The following ADGRA3 variants were observed in gnomAD, a reference collection of about 807,000 sequenced individuals.
ADGRA3 encodes adhesion G protein-coupled receptor A3, also known as G-protein coupled receptor 125.
ADGRA3 carries 56 observed loss-of-function variants against 119.8 expected under a neutral mutation model. That is an observed-to-expected ratio of 0.47 (90% CI 0.38 to 0.58). ADGRA3 has a LOEUF of 0.58. ADGRA3 is among the 20% of genes least tolerant of loss of function. ADGRA3 has a pLI of 0.00. For missense variants in ADGRA3, 1,516 were observed against 1,649.0 expected (o/e 0.92, Z 1.40); for synonymous variants, 607 against 623.8 (o/e 0.97, Z 0.40).
chr4:22,476,329 G>C (rs1718042950), intron 1 of ADGRA3, among the ~76,000 whole-genome samples: 1 of 152,012 alleles, frequency 6.6e-6, no homozygotes, highest in Non-Finnish European at 1.5e-5. Context: ...ACTGACAAAA[G>C]GTATTTCCAG....
At chr4:22,453,814 T>G (rs955474903) in intron 4 of ADGRA3, among the ~76,000 whole-genome samples, 1 of 152,184 alleles carries the variant, frequency 6.6e-6, no homozygotes, top group Admixed American at 6.5e-5. Context: ...TAATCAGCCT[T>G]ATGTCTAATT....
intron 14 of ADGRA3, among the ~76,000 whole-genome samples, chr4:22,405,796 G>A (rs948782257): frequency 5.3e-5 from 8 of 152,168 alleles, no homozygotes; most frequent in East Asian, 3.9e-4. Flanking sequence ...ATTTTGATCC[G>A]TACATATAAC....
At chr4:22,474,231 G>C (rs988047953) in intron 1 of ADGRA3, among the ~76,000 whole-genome samples, 2 of 152,138 alleles carry the variant, frequency 1.3e-5, no homozygotes, top group Admixed American at 1.3e-4. Context: ...CATAACCTAT[G>C]ATCTTGTAAA....
intron 14 of ADGRA3, among the ~76,000 whole-genome samples, chr4:22,407,709 A>C (rs1171887864): frequency 6.6e-6 from 1 of 152,230 alleles, no homozygotes; most frequent in African/African-American, 2.4e-5. Context: ...ATGTGTGTTA[A>C]AAAATCACAA....
chr4:22,509,988 C>A (rs1396638695), intron 1 of ADGRA3, among the ~76,000 whole-genome samples: 7 of 125,482 alleles, frequency 5.6e-5, no homozygotes, highest in African/African-American at 2.2e-4. Context: ...CCAGCCTGGG[C>A]GACAGAGCGA....
intron 1 of ADGRA3, among the ~76,000 whole-genome samples, chr4:22,503,190 A>G (rs1371416032): frequency 6.6e-6 from 1 of 152,206 alleles, no homozygotes; most frequent in Non-Finnish European, 1.5e-5. Context: ...TTCTAACTGC[A>G]TCTTAGGCAC....
At chr4:22,406,916 A>T (rs147176767) in intron 14 of ADGRA3, among the ~76,000 whole-genome samples, 3,397 of 152,210 alleles carry the variant, frequency 0.022, 124 homozygotes, top group African/African-American at 0.077. Flanking sequence ...TTAAAAAAAA[A>T]ATATTAAAAG....
At position 22,493,011 on chromosome 4, in the gene ADGRA3, G is replaced by GT. The variant is rs397831460; in HGVS notation, c.258-19169dup. On this transcript the variant is annotated intron_variant, in intron 1 of 18. Transcript: ENST00000334304. ...GACAGGGTTTCACTCTGTCACCCAG[G>GT]TGGAGTGCAGAGGCACAATCACAGC... Among the ~76,000 whole-genome samples, 43 of 151,174 alleles carry GT rather than the reference G, an allele frequency of 2.8e-4. No individual in the cohort carries two copies. In the East Asian group the frequency reaches 8.2e-3, roughly 29 times the overall value.
At chr4:22,500,060 T>G (rs1718997651) in intron 1 of ADGRA3, among the ~76,000 whole-genome samples, 1 of 152,212 alleles carries the variant, frequency 6.6e-6, no homozygotes, top group African/African-American at 2.4e-5. Context: ...CAAGAAGTTT[T>G]GGATTTTGGA....
Position 22,387,498 on chromosome 4 carries a change from A to C in ADGRA3, c.*207T>G. 1 of 486,680 alleles carries C rather than the reference A, an allele frequency of 2.1e-6. No individual in the cohort carries two copies. The highest frequency in any genetic ancestry group is 3.2e-5 in the East Asian group (1 of 31,720). The allele number at this position is 486,680 out of a possible 1,614,324, so 30.1% of individuals were successfully genotyped here. A position where few individuals can be genotyped will look rare whatever the true frequency, so the allele number is the denominator to read the frequency against. On this transcript the variant is annotated 3_prime_UTR_variant, in exon 19 of 19. Coordinates refer to ENST00000334304, the MANE Select transcript of ADGRA3 (RefSeq NM_145290.4). ...TGTCCTGTTGGTGCTTTGACAACTAAAACAATGTTTTAGAAAGATTTTGTT... is the reference window on the plus strand; with the variant it reads ...TGTCCTGTTGGTGCTTTGACAACTACAACAATGTTTTAGAAAGATTTTGTT...
intron 3 of ADGRA3, among the ~76,000 whole-genome samples, chr4:22,457,437 C>A (rs1311390596): frequency 6.6e-6 from 1 of 152,130 alleles, no homozygotes; most frequent in Non-Finnish European, 1.5e-5. Flanking sequence ...ATCTTTATAT[C>A]CCGTTGAGTT....
At chr4:22,420,242 A>C (rs1715597531) in intron 12 of ADGRA3, 1 of 152,254 alleles carries the variant, frequency 6.6e-6, no homozygotes, top group African/African-American at 2.4e-5. Context: ...AGTGAAAAAA[A>C]TGTGGTTCCA....
Position 22,515,699 on chromosome 4 carries a change from C to G in ADGRA3, c.86G>C (p.Gly29Ala), listed in dbSNP as rs1367175682. The G allele has an allele frequency of 9.2e-7, 1 of 1,082,770 alleles. No individual in the cohort carries two copies. Among genetic ancestry groups the G allele is most frequent in the Non-Finnish European group, 1.1e-6 (1 of 897,632 alleles). The allele number at this position is 1,082,770 out of a possible 1,614,324, so 67.1% of individuals were successfully genotyped here. A position where few individuals can be genotyped will look rare whatever the true frequency, so the allele number is the denominator to read the frequency against. Residue 29 changes from glycine (G) to alanine (A), a missense_variant, in exon 1 of 19, where the codon GGA becomes GCA. Coordinates refer to ENST00000334304, the MANE Select transcript of ADGRA3 (RefSeq NM_145290.4). ...CGCGGCGCCGCCGCCGCCGCCGCCTCCCAGCAGCGCGAGCAGCGCTAACAG... is the reference window on the plus strand; with the variant it reads ...CGCGGCGCCGCCGCCGCCGCCGCCTGCCAGCAGCGCGAGCAGCGCTAACAG... Reference protein sequence around the residue: ...LSLLALLALLGGGGGGGAAAL... With the variant: ...LSLLALLALLAGGGGGGAAAL...
intron 7 of ADGRA3, among the ~76,000 whole-genome samples, chr4:22,439,093 A>T (rs976919040): frequency 7.9e-5 from 12 of 152,188 alleles, no homozygotes. Flanking sequence ...TCCAAGTCAC[A>T]TCTCCCTTCT....
chr4:22,463,380 C>T (rs866397077), intron 2 of ADGRA3, among the ~76,000 whole-genome samples: 1 of 152,200 alleles, frequency 6.6e-6, no homozygotes, highest in African/African-American at 2.4e-5. Context: ...ACTGGCGCCA[C>T]CTGTCAGCAC....
At chr4:22,438,503 G>T in intron 7 of ADGRA3, 83 bp from the exon 8 acceptor site, 1 of 1,111,444 alleles carries the variant, frequency 9.0e-7, no homozygotes, top group Non-Finnish European at 1.3e-6. Flanking sequence ...CATTAATTTA[G>T]CAAATATTTT....
chr4:22,425,002 G>A (rs926509756), intron 10 of ADGRA3, among the ~76,000 whole-genome samples: 34 of 151,966 alleles, frequency 2.2e-4, no homozygotes, highest in South Asian at 4.2e-4. Flanking sequence ...TTGAAGCTGG[G>A]AGGCAGACAC....
At chr4:22,420,837 T>C in intron 12 of ADGRA3, 49 bp downstream of exon 12, 1 of 1,548,256 alleles carries the variant, frequency 6.5e-7, no homozygotes, top group Non-Finnish European at 8.9e-7. Context: ...ATTTGGAGCA[T>C]TCTAATTTAA....
Position 22,388,821 on chromosome 4 carries a change from A to G in ADGRA3, c.2850T>C (p.Tyr950=), listed in dbSNP as rs966651248. The change falls in exon 19 of 19, where the codon TAT becomes TAC. Residue 950 remains tyrosine, a synonymous_variant. Transcript: ENST00000334304. Reference sequence around the variant, plus strand: ...GCTCCTCCGTGGGCTCCTTAAGCTCATATTTGCGCTCAGGGTGTCTTTTCA... The same window carrying G: ...GCTCCTCCGTGGGCTCCTTAAGCTCGTATTTGCGCTCAGGGTGTCTTTTCA... ...IQLKRHPERK[Y]ELKEPTEEQQ... is the part of the protein sequence containing the mutation. 9.3e-6 allele frequency: 15 copies of G among 1,614,090 alleles called. No homozygotes were observed. The highest frequency in any genetic ancestry group is 1.3e-5 in the Non-Finnish European group (15 of 1,179,998).
Sources: gnomAD v4.1 joint callset for allele counts (sites outside exome capture counted in the v4.1 genomes callset) on GRCh38, gnomAD v4.1.1 for gene constraint, MANE v1.5 for transcripts, NCBI Gene and HGNC (gene_info 2026-07-23, HGNC 2026-07-21) for gene names.